DRC8: variants seen among roughly 807,000 people sequenced by gnomAD.
The protein encoded by DRC8 is dynein regulatory complex protein 8.
the DRC8 span, among the ~76,000 whole-genome samples, chr1:244,982,189 G>T: frequency 1.3e-5 from 2 of 152,116 alleles, no homozygotes; most frequent in African/African-American, 4.8e-5. Context: ...GCCAGATTGG[G>T]GTAAAGCCTC....
chr1:245,116,244 TA>T, the DRC8 span, among the ~76,000 whole-genome samples: 1 of 152,020 alleles, frequency 6.6e-6, no homozygotes, highest in Non-Finnish European at 1.5e-5. Context: ...CAGGTGTGGT[TA>T]CTCACACCTA....
At chr1:244,978,406 T>C in the DRC8 span, among the ~76,000 whole-genome samples, 2 of 150,094 alleles carry the variant, frequency 1.3e-5, no homozygotes, top group Admixed American at 6.7e-5. Context: ...GGTAGGAGAA[T>C]CACTTGAACC....
the DRC8 span, chr1:245,122,092 T>C: frequency 4.1e-6 from 1 of 243,622 alleles, no homozygotes; most frequent in Admixed American, 5.7e-5. Context: ...AGAGACGGGG[T>C]TTCACCATGG....
At chr1:245,034,880 A>C in the DRC8 span, among the ~76,000 whole-genome samples, 244 of 149,128 alleles carry the variant, frequency 1.6e-3, 1 homozygote, top group African/African-American at 5.8e-3. Flanking sequence ...TTTTTTTGCA[A>C]AAGTTTAATA....
At chr1:244,974,227 A>G in the DRC8 span, among the ~76,000 whole-genome samples, 156 of 152,026 alleles carry the variant, frequency 1.0e-3, no homozygotes, top group Non-Finnish European at 1.6e-3. Flanking sequence ...CTTAAATCTT[A>G]TTGTTTCTGT....
chr1:245,004,476 C>A, the DRC8 span, among the ~76,000 whole-genome samples: 5 of 150,680 alleles, frequency 3.3e-5, no homozygotes, highest in Middle Eastern at 3.4e-3. Context: ...CTCCTGGGCT[C>A]AAGTGATCTT....
the DRC8 span, among the ~76,000 whole-genome samples, chr1:245,050,647 C>T: frequency 6.6e-6 from 1 of 152,308 alleles, no homozygotes; most frequent in South Asian, 2.1e-4. Flanking sequence ...CCCTGGCACA[C>T]AGTAAGTGCT....
At chr1:245,011,547 C>T in the DRC8 span, among the ~76,000 whole-genome samples, 1 of 152,162 alleles carries the variant, frequency 6.6e-6, no homozygotes, top group African/African-American at 2.4e-5. Context: ...TTGAGTGACC[C>T]TTATCTGAAA....
chr1:245,076,010 A>G, the DRC8 span, among the ~76,000 whole-genome samples: 2 of 151,236 alleles, frequency 1.3e-5, no homozygotes, highest in East Asian at 1.9e-4. Context: ...ACAAGCGGGG[A>G]GGGAGAAGGT....
the DRC8 span, among the ~76,000 whole-genome samples, chr1:245,005,305 G>A: frequency 3.9e-4 from 59 of 151,026 alleles, 1 homozygote; most frequent in Admixed American, 2.8e-3. Flanking sequence ...CAGTGCTTCC[G>A]TCTCTTCAAT....
the DRC8 span, among the ~76,000 whole-genome samples, chr1:245,076,350 T>C: frequency 6.6e-6 from 1 of 152,252 alleles, no homozygotes; most frequent in Non-Finnish European, 1.5e-5. Flanking sequence ...CTGTTAGACA[T>C]GAGCATGCTG....
the DRC8 span, among the ~76,000 whole-genome samples, chr1:244,972,100 A>T: frequency 6.6e-6 from 1 of 152,188 alleles, no homozygotes; most frequent in South Asian, 2.1e-4. Flanking sequence ...CTCGTTTTTT[A>T]AAAACTGAGA....
chr1:245,039,671 G>A, the DRC8 span, among the ~76,000 whole-genome samples: 4 of 152,092 alleles, frequency 2.6e-5, no homozygotes, highest in Non-Finnish European at 4.4e-5. Context: ...CTGCGCTGTT[G>A]TCTTGTCTCT....
chr1:245,017,729 T>C, the DRC8 span, among the ~76,000 whole-genome samples: 1 of 152,122 alleles, frequency 6.6e-6, no homozygotes, highest in East Asian at 1.9e-4. Context: ...GAAACAGTAA[T>C]GCTTATGCGA....
the DRC8 span, among the ~76,000 whole-genome samples, chr1:244,996,520 T>A: frequency 0.64 from 96,771 of 151,940 alleles, 30,875 homozygotes; most frequent in East Asian, 0.75. Context: ...TTTCGTAGCC[T>A]ACTGGGCACG....
the DRC8 span, chr1:244,969,880 T>C: frequency 4.5e-6 from 2 of 440,540 alleles, no homozygotes; most frequent in African/African-American, 4.1e-5. Context: ...GGAGGCGGGC[T>C]GCGAATGGGA....
At chr1:245,119,850 G>A in the DRC8 span, among the ~76,000 whole-genome samples, 22 of 151,518 alleles carry the variant, frequency 1.5e-4, no homozygotes, top group African/African-American at 5.1e-4. Context: ...GGAGAATGGC[G>A]TGAACCCAGG....
At chr1:245,057,388 A>T in the DRC8 span, among the ~76,000 whole-genome samples, 29 of 152,352 alleles carry the variant, frequency 1.9e-4, no homozygotes, top group Admixed American at 1.2e-3. Context: ...AACGTATCTT[A>T]TTTAACCCAA....
the DRC8 span, among the ~76,000 whole-genome samples, chr1:245,034,101 A>G: frequency 1.3e-5 from 2 of 152,088 alleles, no homozygotes; most frequent in Non-Finnish European, 2.9e-5. Context: ...CTGGACTATT[A>G]ATGTCTGCTA....
Sources: gnomAD v4.1 joint callset for allele counts (sites outside exome capture counted in the v4.1 genomes callset) on GRCh38, gnomAD v4.1.1 for gene constraint, MANE v1.5 for transcripts, NCBI Gene and HGNC (gene_info 2026-07-23, HGNC 2026-07-21) for gene names.